LYPLAL1: variants seen among roughly 807,000 people sequenced by gnomAD.
LYPLAL1 encodes the protein lysophospholipase like 1, also known as lysophospholipase-like protein 1.
In LYPLAL1, 23 loss-of-function variants were observed where a neutral mutation model predicts 19.7. The ratio of observed to expected loss-of-function variants is 1.17; its 90% CI spans 0.84 to 1.65. The LOEUF (loss-of-function observed/expected upper bound fraction) is 1.65, where lower values mean the gene tolerates loss of function less well. LYPLAL1 is among the 40% of genes most tolerant of loss of function. LYPLAL1 has a pLI of 0.00. For missense variants in LYPLAL1, 355 were observed against 279.4 expected, an observed-to-expected ratio of 1.27 and a Z score of -1.93; for synonymous variants, 119 against 96.3, an observed-to-expected ratio of 1.24 and a Z score of -1.38.
the LYPLAL1 span, among the ~76,000 whole-genome samples, chr1:219,400,471 C>A: frequency 3.7e-3 from 561 of 151,256 alleles, 2 homozygotes; most frequent in Non-Finnish European, 6.2e-3. Flanking sequence ...GCTGTGTGCC[C>A]TATCTATCTA....
At chr1:219,348,742 G>C in the LYPLAL1 span, among the ~76,000 whole-genome samples, 1 of 152,030 alleles carries the variant, frequency 6.6e-6, no homozygotes, top group Non-Finnish European at 1.5e-5. Flanking sequence ...TGCCTTTCCC[G>C]GGAGAAAACC....
chr1:219,405,038 A>G, the LYPLAL1 span, among the ~76,000 whole-genome samples: 3 of 152,266 alleles, frequency 2.0e-5, no homozygotes, highest in Non-Finnish European at 4.4e-5. Flanking sequence ...GTTAATCATC[A>G]TCTATTTAAT....
chr1:219,318,043 G>A, the LYPLAL1 span, among the ~76,000 whole-genome samples: 1 of 152,200 alleles, frequency 6.6e-6, no homozygotes, highest in South Asian at 2.1e-4. Flanking sequence ...ACCTTCTGTT[G>A]GATTGTGCAA....
rs751325777 is a variant in LYPLAL1, at chr1:219,210,606, G to C, written c.436G>C (p.Ala146Pro). Reference sequence around the variant, plus strand: ...TCATCAAGATGTGGCAGGAGTATTTGCTCTTTCTAGTTTTCTGAATAAAGC... The same window carrying C: ...TCATCAAGATGTGGCAGGAGTATTTCCTCTTTCTAGTTTTCTGAATAAAGC... ...RNHQDVAGVF[A>P]LSSFLNKASA... The change falls in exon 4 of 5, where the codon GCT becomes CCT. Residue 146 changes from alanine to proline, a missense_variant. Physicochemically the swap from Ala to Pro is conservative, Grantham distance 27. Transcript: ENST00000366928. 1 of 1,610,170 alleles carries C rather than the reference G, an allele frequency of 6.2e-7. No individual in the cohort carries two copies. The highest frequency in any genetic ancestry group is 1.7e-5 in the Admixed American group (1 of 59,870).
the LYPLAL1 span, among the ~76,000 whole-genome samples, chr1:219,255,267 T>A: frequency 0.18 from 27,599 of 151,646 alleles, 2,722 homozygotes; most frequent in Non-Finnish European, 0.21. Flanking sequence ...TACTTTAATT[T>A]CTCTCAATAA....
the LYPLAL1 span, among the ~76,000 whole-genome samples, chr1:219,287,892 C>A: frequency 6.6e-6 from 1 of 152,172 alleles, no homozygotes; most frequent in African/African-American, 2.4e-5. Context: ...CCCCTTCACT[C>A]TTTCTCTCTC....
At chr1:219,230,918 G>T in the LYPLAL1 span, among the ~76,000 whole-genome samples, 1 of 152,168 alleles carries the variant, frequency 6.6e-6, no homozygotes. Flanking sequence ...CAGACTCACA[G>T]AATCCCACTT....
At chr1:219,364,702 T>C in the LYPLAL1 span, among the ~76,000 whole-genome samples, 4 of 152,184 alleles carry the variant, frequency 2.6e-5, no homozygotes, top group Non-Finnish European at 5.9e-5. Flanking sequence ...TAAAGAAATA[T>C]ATCACTTCTG....
chr1:219,368,959 T>G, the LYPLAL1 span, among the ~76,000 whole-genome samples: 1 of 152,276 alleles, frequency 6.6e-6, no homozygotes, highest in African/African-American at 2.4e-5. Flanking sequence ...AGAGTGTTCC[T>G]TCTTTATTTA....
the LYPLAL1 span, among the ~76,000 whole-genome samples, chr1:219,387,306 T>A: frequency 6.6e-6 from 1 of 152,160 alleles, no homozygotes; most frequent in African/African-American, 2.4e-5. Context: ...GGTAGAAAAA[T>A]TTTATATGTA....
chr1:219,295,039 C>G, the LYPLAL1 span, among the ~76,000 whole-genome samples: 1 of 152,108 alleles, frequency 6.6e-6, no homozygotes, highest in Non-Finnish European at 1.5e-5. Flanking sequence ...TTTCTTTGCT[C>G]CTGAGAAAAT....
chr1:219,438,653 T>C, the LYPLAL1 span, among the ~76,000 whole-genome samples: 1 of 152,218 alleles, frequency 6.6e-6, no homozygotes, highest in African/African-American at 2.4e-5. Context: ...TGCATTTAAA[T>C]GTTTTATTGG....
chr1:219,174,651 A>C (rs1572142701), intron 1 of LYPLAL1, among the ~76,000 whole-genome samples: 1 of 152,140 alleles, frequency 6.6e-6, no homozygotes, highest in Non-Finnish European at 1.5e-5. Context: ...CTGTATCGTT[A>C]CTTAACACTC....
the LYPLAL1 span, among the ~76,000 whole-genome samples, chr1:219,383,061 T>C: frequency 6.6e-6 from 1 of 152,206 alleles, no homozygotes; most frequent in African/African-American, 2.4e-5. Context: ...GGACTGTTCA[T>C]GAAGTCAAAA....
the LYPLAL1 span, among the ~76,000 whole-genome samples, chr1:219,417,229 ATTGTC>A: frequency 0.1 from 15,229 of 151,950 alleles, 1,161 homozygotes; most frequent in African/African-American, 0.21. Context: ...AAATTTTTCT[ATTGTC>A]TTCTATTGTT....
the LYPLAL1 span, among the ~76,000 whole-genome samples, chr1:219,367,517 A>G: frequency 3.3e-5 from 5 of 152,214 alleles, no homozygotes; most frequent in Non-Finnish European, 7.3e-5. Context: ...ATTTAGAAAA[A>G]AAAAAGTGCC....
At chr1:219,389,188 T>C in the LYPLAL1 span, among the ~76,000 whole-genome samples, 1 of 152,220 alleles carries the variant, frequency 6.6e-6, no homozygotes, top group Non-Finnish European at 1.5e-5. Context: ...GCAGGAAATA[T>C]GTAAAGGTGA....
At chr1:219,348,845 T>G in the LYPLAL1 span, among the ~76,000 whole-genome samples, 1 of 152,148 alleles carries the variant, frequency 6.6e-6, no homozygotes, top group African/African-American at 2.4e-5. Flanking sequence ...CTGTCTCTAA[T>G]GGCAAAGGAT....
rs1489384940 is a variant in LYPLAL1, at chr1:219,211,744, T to C, written c.*16T>C. 2.0e-6 allele frequency: 3 copies of C among 1,525,694 alleles called. No homozygotes were observed. The African/African-American group carries it at 4.1e-5, about 21-fold the overall frequency. The allele number at this position is 1,525,694 out of a possible 1,614,324, so 94.5% of individuals were successfully genotyped here. A position where few individuals can be genotyped will look rare whatever the true frequency, so the allele number is the denominator to read the frequency against. On this transcript the variant is annotated 3_prime_UTR_variant, in exon 5 of 5. Transcript: ENST00000366928. ...ACAAAAATGAATGAATCAAGAGTGA[T>C]TTGTTAATGTAAGTGTAATGTCTTT...
Sources: allele counts gnomAD v4.1 joint callset (sites outside exome capture counted in the v4.1 genomes callset), GRCh38; gene constraint gnomAD v4.1.1; transcripts MANE v1.5; gene names NCBI Gene and HGNC (gene_info 2026-07-23, HGNC 2026-07-21).